RPTOR: variants seen among roughly 807,000 people sequenced by gnomAD.
RPTOR encodes the protein regulatory-associated protein of mTOR.
RPTOR carries 21 observed loss-of-function variants against 169.9 expected under a neutral mutation model. The ratio of observed to expected loss-of-function variants is 0.12; its 90% CI spans 0.09 to 0.18. RPTOR has a LOEUF of 0.18. RPTOR is among the 10% of genes least tolerant of loss of function. The pLI, the probability that RPTOR is intolerant of heterozygous loss-of-function variation, is 1.00. For missense variants in RPTOR, 1,133 were observed against 1,855.9 expected (o/e 0.61, Z 7.16); for synonymous variants, 732 against 753.2 (o/e 0.97, Z 0.46).
chr17:80,743,829 A>T (rs2066518199), intron 5 of RPTOR, among the ~76,000 whole-genome samples: 1 of 124,306 alleles, frequency 8.0e-6, no homozygotes, highest in African/African-American at 3.0e-5. Flanking sequence ...AGCCCTGGCT[A>T]CTAGCACAGC....
At chr17:80,694,988 G>A (rs2066024468) in intron 3 of RPTOR, among the ~76,000 whole-genome samples, 1 of 152,194 alleles carries the variant, frequency 6.6e-6, no homozygotes, top group African/African-American at 2.4e-5. Context: ...CTGGGCCTCC[G>A]TGGGTGTCAT....
intron 2 of RPTOR, among the ~76,000 whole-genome samples, chr17:80,639,552 C>T (rs1366795810): frequency 6.6e-6 from 1 of 152,188 alleles, no homozygotes; most frequent in African/African-American, 2.4e-5. Flanking sequence ...CCACTCTTGG[C>T]AGCTTTCCAT....
intron 20 of RPTOR, among the ~76,000 whole-genome samples, chr17:80,904,037 A>G (rs1401773649): frequency 6.6e-6 from 1 of 152,256 alleles, no homozygotes; most frequent in African/African-American, 2.4e-5. Flanking sequence ...TCGTAGGGGT[A>G]CTGAATATGC....
intron 20 of RPTOR, among the ~76,000 whole-genome samples, chr17:80,894,455 G>T (rs2068373639): frequency 6.6e-6 from 1 of 152,200 alleles, no homozygotes; most frequent in African/African-American, 2.4e-5. Flanking sequence ...ACGCAGCACT[G>T]CCTGGAAATG....
In RPTOR at chr17:80,896,916, T is replaced by G. The variant is rs114824537; in HGVS notation, c.2401+3051T>G. ...AGGCATGACGTTACCTTTCAGTTTT[T>G]GTAATTTTAAGTAATATCTTTTTTA... On this transcript the variant is annotated intron_variant, in intron 20 of 33. Coordinates refer to ENST00000306801, the MANE Select transcript of RPTOR (RefSeq NM_020761.3). Among the ~76,000 whole-genome samples, 768 of 152,336 alleles carry G rather than the reference T, an allele frequency of 5.0e-3. 7 individuals carry two copies. Among genetic ancestry groups the G allele is most frequent in the African/African-American group, 0.018 (732 of 41,572 alleles).
chr17:80,915,773 A>C (rs62068490), intron 21 of RPTOR, among the ~76,000 whole-genome samples: 173 of 45,038 alleles, frequency 3.8e-3, no homozygotes, highest in African/African-American at 7.1e-3. Flanking sequence ...TACCCACTCC[A>C]GGGTCTCCTC....
intron 1 of RPTOR, among the ~76,000 whole-genome samples, chr17:80,588,389 C>T (rs2065079813): frequency 6.6e-6 from 1 of 152,152 alleles, no homozygotes; most frequent in African/African-American, 2.4e-5. Flanking sequence ...TCTCAAACTC[C>T]TGACCTCAGG....
chr17:80,868,862 T>C (rs146251203), intron 13 of RPTOR, among the ~76,000 whole-genome samples: 360 of 152,330 alleles, frequency 2.4e-3, no homozygotes, highest in African/African-American at 8.5e-3. Flanking sequence ...GAAGGGTACC[T>C]GCTGTATGGT....
intron 7 of RPTOR, among the ~76,000 whole-genome samples, chr17:80,800,809 C>G (rs562784158): frequency 6.6e-6 from 1 of 152,322 alleles, no homozygotes; most frequent in South Asian, 2.1e-4. Context: ...ACCTGTTCCA[C>G]GAGGCTGCTA....
chr17:80,889,542 A>G (rs2068290386), intron 17 of RPTOR, among the ~76,000 whole-genome samples: 1 of 152,150 alleles, frequency 6.6e-6, no homozygotes, highest in Non-Finnish European at 1.5e-5. Flanking sequence ...AAGGGGTCAC[A>G]TGACAACACC....
In RPTOR at chr17:80,545,661, T is replaced by C; in HGVS notation, c.32T>C (p.Leu11Pro). The C allele has an allele frequency of 6.2e-7, 1 of 1,613,386 alleles. No individual in the cohort carries two copies. The highest frequency in any genetic ancestry group is 8.5e-7 in the Non-Finnish European group (1 of 1,179,664). Residue 11 changes from leucine (L) to proline (P), a missense_variant, in exon 1 of 34, where the codon CTG (leucine) becomes CCG (proline). Transcript: ENST00000306801. Reference sequence around the variant, plus strand: ...TCCGAAATGCTGCAATCGCCTCTTCTGGGCCTGGGGGAGGAAGATGAGGCT... The same window carrying C: ...TCCGAAATGCTGCAATCGCCTCTTCCGGGCCTGGGGGAGGAAGATGAGGCT... Reference protein sequence around the residue: MESEMLQSPLLGLGEEDEADL... With the variant: MESEMLQSPLPGLGEEDEADL...
At chr17:80,866,375 C>G (rs573866500) in intron 13 of RPTOR, among the ~76,000 whole-genome samples, 3 of 152,142 alleles carry the variant, frequency 2.0e-5, no homozygotes, top group African/African-American at 7.2e-5. Flanking sequence ...CCGGAGATCC[C>G]GGCTTCCACC....
In RPTOR at chr17:80,918,975, G is replaced by T. The variant is rs1048914716; in HGVS notation, c.2521-3749G>T. Reference sequence around the variant, plus strand: ...GGCCACAGCAACTCCAGAACCTCCCGAGCCTTCCCACACACCCGGGTCTGA... The same window carrying T: ...GGCCACAGCAACTCCAGAACCTCCCTAGCCTTCCCACACACCCGGGTCTGA... On this transcript the variant is annotated intron_variant, in intron 21 of 33. Transcript: ENST00000306801. Among the ~76,000 whole-genome samples the T allele has an allele frequency of 5.3e-5, 8 of 152,184 alleles. 1 individual carries two copies. In the South Asian group the frequency reaches 1.7e-3, roughly 32 times the overall value.
At chr17:80,628,128 G>A (rs554962522) in intron 2 of RPTOR, among the ~76,000 whole-genome samples, 3 of 152,250 alleles carry the variant, frequency 2.0e-5, no homozygotes, top group South Asian at 2.1e-4. Context: ...ATGAGCCACC[G>A]TGCCTGGCCA....
chr17:80,686,375 C>T (rs12942946), intron 3 of RPTOR, among the ~76,000 whole-genome samples: 11,065 of 137,936 alleles, frequency 0.08, 539 homozygotes, highest in Non-Finnish European at 0.12. Flanking sequence ...TTAGTAGAGA[C>T]GGGGTTTCAC....
At chr17:80,621,596 C>G (rs186558841) in intron 1 of RPTOR, among the ~76,000 whole-genome samples, 2 of 152,214 alleles carry the variant, frequency 1.3e-5, no homozygotes, top group African/African-American at 4.8e-5. Flanking sequence ...CCTGGACTTG[C>G]AGCCGCCCCT....
intron 2 of RPTOR, among the ~76,000 whole-genome samples, chr17:80,637,451 G>A (rs919446500): frequency 3.3e-5 from 5 of 152,162 alleles, no homozygotes; most frequent in Admixed American, 1.3e-4. Flanking sequence ...CCCCTGCTCC[G>A]CCCCCCTCTG....
At chr17:80,619,733 A>T (rs2065341108) in intron 1 of RPTOR, among the ~76,000 whole-genome samples, 2 of 152,180 alleles carry the variant, frequency 1.3e-5, no homozygotes, top group Admixed American at 1.3e-4. Flanking sequence ...GTGCTGCTCC[A>T]AACCCTCCTG....
intron 5 of RPTOR, among the ~76,000 whole-genome samples, chr17:80,743,604 A>C (rs3764371): frequency 0.49 from 74,678 of 151,388 alleles, 18,787 homozygotes; most frequent in Non-Finnish European, 0.55. Context: ...CCAAGTAGTA[A>C]TTTAAACCCA....
Sources: allele counts gnomAD v4.1 joint callset (sites outside exome capture counted in the v4.1 genomes callset), GRCh38; gene constraint gnomAD v4.1.1; transcripts MANE v1.5; gene names NCBI Gene and HGNC (gene_info 2026-07-23, HGNC 2026-07-21).